The following SLC14A2 variants were observed in gnomAD, a reference collection of about 807,000 sequenced individuals.
The protein encoded by SLC14A2 is urea transporter 2.
In SLC14A2, 91 loss-of-function variants were observed where a neutral mutation model predicts 104.6. That is an observed-to-expected ratio of 0.87 (90% confidence interval 0.73 to 1.04). The LOEUF is 1.04. SLC14A2 is among the 50% of genes least tolerant of loss of function. The pLI, the probability that SLC14A2 is intolerant of heterozygous loss-of-function variation, is 0.00. For synonymous variants in SLC14A2, 476 were observed against 466.4 expected (o/e 1.02, Z -0.27); for missense variants, 1,189 against 1,156.0 (o/e 1.03, Z -0.41).
chr18:45,489,093 G>A (rs903832703), intron 2 of SLC14A2, among the ~76,000 whole-genome samples: 31 of 152,276 alleles, frequency 2.0e-4, no homozygotes, highest in African/African-American at 6.5e-4. Context: ...TACATGGTTC[G>A]ATTCAAGTGG....
At chr18:45,495,298 GA>G (rs1446904818) in intron 2 of SLC14A2, among the ~76,000 whole-genome samples, 3 of 152,136 alleles carry the variant, frequency 2.0e-5, no homozygotes, top group African/African-American at 7.2e-5. Context: ...AGAAAAATAG[GA>G]AATAAAAACA....
At chr18:45,285,724 C>T (rs895357108) in intron 1 of SLC14A2, among the ~76,000 whole-genome samples, 4 of 147,640 alleles carry the variant, frequency 2.7e-5, no homozygotes, top group African/African-American at 7.4e-5. Flanking sequence ...TGCGCCCAGC[C>T]GGAGCAGATG....
At chr18:45,540,234 C>A (rs1021746720) in intron 2 of SLC14A2, among the ~76,000 whole-genome samples, 1 of 152,122 alleles carries the variant, frequency 6.6e-6, no homozygotes, top group Non-Finnish European at 1.5e-5. Flanking sequence ...TTTGGACTCT[C>A]CTTCCTGGCC....
intron 2 of SLC14A2, among the ~76,000 whole-genome samples, chr18:45,605,350 C>T (rs184026633): frequency 6.6e-6 from 1 of 152,246 alleles, no homozygotes; most frequent in Non-Finnish European, 1.5e-5. Flanking sequence ...CTTTGGGGAC[C>T]ACTGGTTTTA....
At chr18:45,483,840 G>C (rs1000037185) in intron 2 of SLC14A2, among the ~76,000 whole-genome samples, 3 of 152,168 alleles carry the variant, frequency 2.0e-5, no homozygotes, top group African/African-American at 4.8e-5. Flanking sequence ...CGATTTATTG[G>C]TTGTTTGACA....
At chr18:45,497,126 G>GTGTGTATA (rs1236952938) in intron 2 of SLC14A2, among the ~76,000 whole-genome samples, 1 of 152,166 alleles carries the variant, frequency 6.6e-6, no homozygotes, top group African/African-American at 2.4e-5. Flanking sequence ...ATATATGGGA[G>GTGTGTATA]TGTGTATATG....
intron 1 of SLC14A2, among the ~76,000 whole-genome samples, chr18:45,250,641 T>A (rs2084411526): frequency 3.3e-5 from 5 of 151,954 alleles, no homozygotes; most frequent in Admixed American, 2.0e-4. Flanking sequence ...GGATTTTCCA[T>A]GGGAAACCCA....
At chr18:45,218,462 T>C (rs1032390363) in intron 1 of SLC14A2, among the ~76,000 whole-genome samples, 1 of 152,214 alleles carries the variant, frequency 6.6e-6, no homozygotes, top group Non-Finnish European at 1.5e-5. Flanking sequence ...GGCATCTATA[T>C]GCATGCTAGT....
At chr18:45,467,310 T>C (rs2144657359) in intron 1 of SLC14A2, among the ~76,000 whole-genome samples, 1 of 152,332 alleles carries the variant, frequency 6.6e-6, no homozygotes, top group Middle Eastern at 3.4e-3. Flanking sequence ...AGTTCTAGTA[T>C]CACCCATCCC....
chr18:45,247,767 CA>C (rs2084381717), intron 1 of SLC14A2, among the ~76,000 whole-genome samples: 1 of 151,234 alleles, frequency 6.6e-6, no homozygotes, highest in African/African-American at 2.4e-5. Context: ...ACTCAGGCTC[CA>C]AAAGAAATTC....
At chr18:45,462,712 C>T (rs1235281118) in intron 1 of SLC14A2, among the ~76,000 whole-genome samples, 1 of 152,218 alleles carries the variant, frequency 6.6e-6, no homozygotes, top group African/African-American at 2.4e-5. Flanking sequence ...GGCGGCTTGA[C>T]ACTTGAATCC....
chr18:45,489,045 C>T (rs2087668816), intron 2 of SLC14A2, among the ~76,000 whole-genome samples: 1 of 152,178 alleles, frequency 6.6e-6, no homozygotes, highest in African/African-American at 2.4e-5. Flanking sequence ...TTGCACTGGG[C>T]CAACCATACT....
chr18:45,265,317 G>A (rs2084580855), intron 1 of SLC14A2, among the ~76,000 whole-genome samples: 1 of 152,116 alleles, frequency 6.6e-6, no homozygotes, highest in Non-Finnish European at 1.5e-5. Flanking sequence ...TTAGAGTGAA[G>A]CAAATTTCGG....
At chr18:45,427,043 G>A (rs1470932864) in intron 1 of SLC14A2, among the ~76,000 whole-genome samples, 1 of 152,018 alleles carries the variant, frequency 6.6e-6, no homozygotes, top group African/African-American at 2.4e-5. Flanking sequence ...GTTGAGACTG[G>A]CTTATTTGAC....
intron 2 of SLC14A2, among the ~76,000 whole-genome samples, chr18:45,601,290 C>T (rs1428816937): frequency 6.6e-6 from 1 of 152,216 alleles, no homozygotes; most frequent in Non-Finnish European, 1.5e-5. Context: ...CAGAGAAAAA[C>T]CCATGGGGTC....
intron 1 of SLC14A2, among the ~76,000 whole-genome samples, chr18:45,414,757 A>AAAAATATATATATATAT (rs1360051908): frequency 2.6e-4 from 20 of 76,078 alleles, no homozygotes; most frequent in East Asian, 1.1e-3. Flanking sequence ...AAAAAAAAAA[A>AAAAATATATATATATAT]ATATATATAT....
chr18:45,669,506 T>C lies in SLC14A2; in HGVS notation c.2229+8T>C, dbSNP rs1363304905. On this transcript the variant is annotated splice_region_variant and intron_variant, in intron 16 of 19. Transcript: ENST00000255226. Reference sequence around the variant, plus strand: ...GAGGTCCAAGTGCCCTTGGTACGTATCATGGAAGGAGGAAGGGCAGGTCTG... The same window carrying C: ...GAGGTCCAAGTGCCCTTGGTACGTACCATGGAAGGAGGAAGGGCAGGTCTG... 6.2e-7 allele frequency: 1 copy of C among 1,609,996 alleles called. No homozygotes were observed. The highest frequency in any genetic ancestry group is 8.5e-7 in the Non-Finnish European group (1 of 1,177,250).
chr18:45,235,006 A>G (rs1434853353), intron 1 of SLC14A2, among the ~76,000 whole-genome samples: 5 of 152,200 alleles, frequency 3.3e-5, no homozygotes, highest in African/African-American at 1.2e-4. Flanking sequence ...TAAAAAAACA[A>G]GAGACATTTT....
rs552855184 is a variant in SLC14A2 at position 45,313,109 on chromosome 18, TG to T, written c.-125+99920del. Among the ~76,000 whole-genome samples the T allele has an allele frequency of 6.8e-4, 104 of 152,300 alleles. 1 individual carries two copies. The highest frequency in any genetic ancestry group is 1.1e-3 in the Non-Finnish European group (78 of 68,012). The stretch of plus-strand genomic sequence containing the variant: ...GTTTAATGATGTCCTTGGTCCCCTA[TG>T]GAGCTTTCACTGGGGCAAATGGAGA... On this transcript the variant is annotated intron_variant, in intron 1 of 20. Transcript: ENST00000586448.
Sources: allele counts gnomAD v4.1 joint callset (sites outside exome capture counted in the v4.1 genomes callset), GRCh38; gene constraint gnomAD v4.1.1; transcripts MANE v1.5; gene names NCBI Gene and HGNC (gene_info 2026-07-23, HGNC 2026-07-21).